STK39: variants seen among roughly 807,000 people sequenced by gnomAD.
STK39 encodes the protein STE20/SPS1-related proline-alanine-rich protein kinase.
STK39 carries 20 observed loss-of-function variants against 77.8 expected under a neutral mutation model. The ratio of observed to expected loss-of-function variants is 0.26; its 90% confidence interval spans 0.18 to 0.37. STK39 has a LOEUF of 0.37. Ranked by LOEUF, STK39 falls within the 10% of genes least tolerant of loss-of-function variation. The pLI, the probability that STK39 is intolerant of heterozygous loss-of-function variation, is 1.00. For synonymous variants in STK39, 246 were observed against 234.1 expected (o/e 1.05, Z -0.47); for missense variants, 479 against 656.5 (o/e 0.73, Z 2.95).
intron 10 of STK39, among the ~76,000 whole-genome samples, chr2:168,079,279 G>C (rs552473232): frequency 1.3e-5 from 2 of 152,076 alleles, no homozygotes; most frequent in African/African-American, 4.8e-5. Context: ...GTCCTCTCCT[G>C]CTCTTCCACC....
intron 8 of STK39, among the ~76,000 whole-genome samples, chr2:168,135,151 G>A (rs560638364): frequency 2.5e-4 from 29 of 117,688 alleles, no homozygotes; most frequent in African/African-American, 8.6e-4. Flanking sequence ...GAATTGGGGT[G>A]TGTAAATCAA....
At chr2:168,017,430 G>T (rs1480580958) in intron 14 of STK39, among the ~76,000 whole-genome samples, 1 of 129,114 alleles carries the variant, frequency 7.7e-6, no homozygotes, top group African/African-American at 3.2e-5. Context: ...TGTTGTCCAG[G>T]CTGGAGTGCG....
intron 1 of STK39, among the ~76,000 whole-genome samples, chr2:168,230,326 G>A (rs1323629128): frequency 6.6e-6 from 1 of 152,176 alleles, no homozygotes; most frequent in Non-Finnish European, 1.5e-5. Context: ...GGCCTCAAGA[G>A]TCTTTGCAGC....
chr2:168,194,883 T>G (rs923255861), intron 1 of STK39, among the ~76,000 whole-genome samples: 1 of 152,186 alleles, frequency 6.6e-6, no homozygotes, highest in Admixed American at 6.5e-5. Context: ...TATTGATTTT[T>G]TTTTAATTGA....
chr2:168,088,716 A>G (rs941364434), intron 10 of STK39, among the ~76,000 whole-genome samples: 1 of 152,308 alleles, frequency 6.6e-6, no homozygotes, highest in Middle Eastern at 3.4e-3. Flanking sequence ...AGAGGCACAC[A>G]TACACATTTC....
intron 1 of STK39, among the ~76,000 whole-genome samples, chr2:168,185,780 G>A (rs1689193422): frequency 6.6e-6 from 1 of 152,092 alleles, no homozygotes; most frequent in Admixed American, 6.5e-5. Context: ...TGCATTTAGT[G>A]CATTTAGTGC....
chr2:168,076,547 G>C (rs1259274243), intron 10 of STK39, among the ~76,000 whole-genome samples: 2 of 152,154 alleles, frequency 1.3e-5, no homozygotes, highest in African/African-American at 2.4e-5. Flanking sequence ...GGTTGGCTTT[G>C]ATTTGAGGGC....
At chr2:168,213,427 C>T (rs891749738) in intron 1 of STK39, among the ~76,000 whole-genome samples, 3 of 152,094 alleles carry the variant, frequency 2.0e-5, no homozygotes, top group Admixed American at 2.0e-4. Flanking sequence ...TACAAAACTT[C>T]ATTTATGATA....
At chr2:168,094,841 G>A (rs74407179) in intron 10 of STK39, among the ~76,000 whole-genome samples, 3,344 of 152,090 alleles carry the variant, frequency 0.022, 124 homozygotes, top group East Asian at 0.1. Flanking sequence ...ACTCAAATGC[G>A]TCCTAATGAA....
intron 1 of STK39, among the ~76,000 whole-genome samples, chr2:168,240,127 G>A (rs1340316263): frequency 2.0e-5 from 3 of 152,224 alleles, no homozygotes; most frequent in Non-Finnish European, 4.4e-5. Flanking sequence ...TCCAAGCAGA[G>A]GGAAATCTTG....
chr2:168,061,634 A>G (rs1685668029), intron 14 of STK39, among the ~76,000 whole-genome samples: 3 of 152,236 alleles, frequency 2.0e-5, no homozygotes, highest in Admixed American at 6.5e-5. Context: ...AGAAAATATA[A>G]CAAAGGCAGA....
chr2:168,035,869 T>A (rs1353024297), intron 14 of STK39, among the ~76,000 whole-genome samples: 1 of 152,158 alleles, frequency 6.6e-6, no homozygotes, highest in Non-Finnish European at 1.5e-5. Flanking sequence ...CATCACACCC[T>A]GCCACTCTCC....
At chr2:168,091,844 T>C (rs1486856396) in intron 10 of STK39, among the ~76,000 whole-genome samples, 2 of 152,204 alleles carry the variant, frequency 1.3e-5, no homozygotes, top group Non-Finnish European at 2.9e-5. Context: ...ATCCCAAACA[T>C]GGTATCATTT....
At position 167,955,435 on chromosome 2, in the gene STK39, T is replaced by C; in HGVS notation, c.*61A>G. 6.6e-7 allele frequency: 1 copy of C among 1,522,012 alleles called. No homozygotes were observed. Among genetic ancestry groups the C allele is most frequent in the Non-Finnish European group, 9.0e-7 (1 of 1,110,184 alleles). The allele number at this position is 1,522,012 out of a possible 1,614,324, so 94.3% of individuals were successfully genotyped here. A position where few individuals can be genotyped will look rare whatever the true frequency, so the allele number is the denominator to read the frequency against. On this transcript the variant is annotated 3_prime_UTR_variant, in exon 18 of 18. Transcript: ENST00000355999. ...AGGAAATGGGCAGAAAGAGGGAGGGTTGAAGGGAGTAGGGGTGGCGGTGGG... is the reference window on the plus strand; with the variant it reads ...AGGAAATGGGCAGAAAGAGGGAGGGCTGAAGGGAGTAGGGGTGGCGGTGGG...
chr2:167,999,890 T>C (rs925477030), intron 16 of STK39, among the ~76,000 whole-genome samples: 4 of 152,296 alleles, frequency 2.6e-5, no homozygotes, highest in South Asian at 4.1e-4. Flanking sequence ...TGGCCCCACA[T>C]AGGTAGTGCC....
intron 10 of STK39, among the ~76,000 whole-genome samples, chr2:168,103,043 G>C (rs1240922794): frequency 6.6e-6 from 1 of 151,860 alleles, no homozygotes; most frequent in Non-Finnish European, 1.5e-5. Context: ...CAATCACAGG[G>C]ATGATGAGGC....
chr2:168,091,953 G>C (rs186322054), intron 10 of STK39, among the ~76,000 whole-genome samples: 1 of 152,256 alleles, frequency 6.6e-6, no homozygotes, highest in Non-Finnish European at 1.5e-5. Context: ...TAATTCCTTA[G>C]AATCTAATAT....
intron 2 of STK39, among the ~76,000 whole-genome samples, chr2:168,171,941 T>C (rs1688840285): frequency 2.2e-5 from 3 of 137,762 alleles, no homozygotes; most frequent in South Asian, 2.4e-4. Context: ...AAGGATCTGA[T>C]CCTCCAGGAT....
intron 10 of STK39, among the ~76,000 whole-genome samples, chr2:168,117,038 G>A (rs532920362): frequency 5.9e-5 from 9 of 152,266 alleles, no homozygotes; most frequent in Non-Finnish European, 1.0e-4. Flanking sequence ...CTGAGTGGTA[G>A]GGACTACATT....
Sources: allele counts gnomAD v4.1 joint callset (sites outside exome capture counted in the v4.1 genomes callset), GRCh38; gene constraint gnomAD v4.1.1; transcripts MANE v1.5; gene names NCBI Gene and HGNC (gene_info 2026-07-23, HGNC 2026-07-21).